PAK5: variants seen among roughly 807,000 people sequenced by gnomAD.
The protein encoded by PAK5 is serine/threonine-protein kinase PAK 5.
A neutral mutation model predicts 65.9 loss-of-function variants in PAK5; 16 were observed. The ratio of observed to expected loss-of-function variants is 0.24; its 90% CI spans 0.16 to 0.37. PAK5 has a LOEUF of 0.37. Ranked by LOEUF, PAK5 falls within the 10% of genes least tolerant of loss-of-function variation. The pLI is 1.00. For missense variants in PAK5, 785 were observed against 903.9 expected (o/e 0.87, Z 1.69); for synonymous variants, 371 against 354.9 (o/e 1.05, Z -0.51).
intron 3 of PAK5, among the ~76,000 whole-genome samples, chr20:9,628,806 T>A (rs894261724): frequency 4.6e-5 from 7 of 152,184 alleles, no homozygotes; most frequent in African/African-American, 1.7e-4. Context: ...CCACAAGGTG[T>A]CCTCTGGCTG....
intron 2 of PAK5, among the ~76,000 whole-genome samples, chr20:9,690,758 T>C (rs868189221): frequency 2.8e-5 from 4 of 144,242 alleles, no homozygotes; most frequent in African/African-American, 1.0e-4. Flanking sequence ...TTCTTTTTTT[T>C]TTTTTTTTTT....
At chr20:9,598,334 C>T (rs1007708188) in intron 3 of PAK5, among the ~76,000 whole-genome samples, 19 of 152,292 alleles carry the variant, frequency 1.2e-4, no homozygotes, top group African/African-American at 3.9e-4. Context: ...GTATACATAT[C>T]GCACTTTCTT....
At chr20:9,581,420 G>A (rs2045978789) in intron 3 of PAK5, among the ~76,000 whole-genome samples, 1 of 152,118 alleles carries the variant, frequency 6.6e-6, no homozygotes, top group East Asian at 1.9e-4. Context: ...AACATAACTA[G>A]AAATGGGTGT....
At chr20:9,832,851 T>C (rs1978836042) in intron 1 of PAK5, among the ~76,000 whole-genome samples, 1 of 152,210 alleles carries the variant, frequency 6.6e-6, no homozygotes, top group Non-Finnish European at 1.5e-5. Context: ...GACAATTCTA[T>C]TGGGGTGCTA....
At chr20:9,601,000 A>T (rs2046349797) in intron 3 of PAK5, among the ~76,000 whole-genome samples, 1 of 152,172 alleles carries the variant, frequency 6.6e-6, no homozygotes, top group South Asian at 2.1e-4. Flanking sequence ...GACCCCAAAC[A>T]GGCAGGTAAG....
At chr20:9,673,577 T>C (rs2047529757) in intron 2 of PAK5, among the ~76,000 whole-genome samples, 1 of 152,232 alleles carries the variant, frequency 6.6e-6, no homozygotes, top group Non-Finnish European at 1.5e-5. Context: ...GGAGGTTATA[T>C]GTTATCTGAG....
chr20:9,667,753 T>C (rs6039542), intron 2 of PAK5, among the ~76,000 whole-genome samples: 88,831 of 152,006 alleles, frequency 0.58, 26,522 homozygotes, highest in East Asian at 0.93. Flanking sequence ...CACTAGAACA[T>C]AGAATTTCGT....
At chr20:9,596,053 A>G (rs1287688835) in intron 3 of PAK5, among the ~76,000 whole-genome samples, 2 of 152,226 alleles carry the variant, frequency 1.3e-5, no homozygotes, top group Non-Finnish European at 2.9e-5. Flanking sequence ...CACCTTTATT[A>G]CATGGAATTT....
At chr20:9,562,668 TG>T (rs1463274089) in intron 6 of PAK5, among the ~76,000 whole-genome samples, 2 of 152,184 alleles carry the variant, frequency 1.3e-5, no homozygotes, top group African/African-American at 2.4e-5. Flanking sequence ...TTTAAATCAA[TG>T]GGTATTAATG....
intron 1 of PAK5, among the ~76,000 whole-genome samples, chr20:9,715,386 T>A (rs2048131312): frequency 6.6e-6 from 1 of 151,984 alleles, no homozygotes; most frequent in South Asian, 2.1e-4. Context: ...CATTAAAAAG[T>A]CAGGAAACAA....
chr20:9,688,631 G>C (rs1181829815), intron 2 of PAK5, among the ~76,000 whole-genome samples: 1 of 151,698 alleles, frequency 6.6e-6, no homozygotes, highest in African/African-American at 2.4e-5. Context: ...GGAAACATTG[G>C]TAATTCCTCC....
intron 2 of PAK5, among the ~76,000 whole-genome samples, chr20:9,682,437 G>A (rs1407593394): frequency 6.6e-6 from 1 of 152,144 alleles, no homozygotes; most frequent in Non-Finnish European, 1.5e-5. Flanking sequence ...AAAGAAAGAT[G>A]TGAGGTGAAT....
chr20:9,577,996 C>T (rs2045916307), intron 4 of PAK5, among the ~76,000 whole-genome samples: 1 of 151,982 alleles, frequency 6.6e-6, no homozygotes, highest in Non-Finnish European at 1.5e-5. Context: ...AGTGAATCAC[C>T]CCTCCCACCC....
At chr20:9,640,765 T>C (rs1447865576) in intron 3 of PAK5, among the ~76,000 whole-genome samples, 1 of 151,754 alleles carries the variant, frequency 6.6e-6, no homozygotes, top group Non-Finnish European at 1.5e-5. Context: ...TCACGGTGAG[T>C]GTTACAGCTC....
chr20:9,585,449 A>G (rs1408204354), intron 3 of PAK5, among the ~76,000 whole-genome samples: 1 of 152,234 alleles, frequency 6.6e-6, no homozygotes, highest in Non-Finnish European at 1.5e-5. Flanking sequence ...TATTACCAGT[A>G]AGCAATGCAA....
intron 1 of PAK5, among the ~76,000 whole-genome samples, chr20:9,776,103 G>T (rs2048884425): frequency 1.3e-5 from 2 of 152,188 alleles, no homozygotes; most frequent in African/African-American, 4.8e-5. Flanking sequence ...AATGCTTGAA[G>T]AAGTGCTTTA....
At chr20:9,833,606 C>T (rs1978912742) in intron 1 of PAK5, among the ~76,000 whole-genome samples, 1 of 152,098 alleles carries the variant, frequency 6.6e-6, no homozygotes, top group Non-Finnish European at 1.5e-5. Context: ...CTCACCTCCC[C>T]CACCACCACT....
At chr20:9,654,858 A>C (rs1382221165) in intron 2 of PAK5, among the ~76,000 whole-genome samples, 2 of 151,750 alleles carry the variant, frequency 1.3e-5, no homozygotes, top group African/African-American at 4.8e-5. Context: ...CCCTCACCCA[A>C]AGTCTCTTTT....
intron 1 of PAK5, among the ~76,000 whole-genome samples, chr20:9,806,544 G>A (rs1258483918): frequency 6.6e-6 from 1 of 152,164 alleles, no homozygotes; most frequent in South Asian, 2.1e-4. Context: ...GTATTTTAGA[G>A]CTCTGTCACT....
Sources: allele counts gnomAD v4.1 joint callset (sites outside exome capture counted in the v4.1 genomes callset), GRCh38; gene constraint gnomAD v4.1.1; transcripts MANE v1.5; gene names NCBI Gene and HGNC (gene_info 2026-07-23, HGNC 2026-07-21).